PRKCA: variants seen among roughly 807,000 people sequenced by gnomAD.
The protein encoded by PRKCA is protein kinase C alpha type.
PRKCA carries 27 observed loss-of-function variants against 87.0 expected under a neutral mutation model. The observed-to-expected ratio is 0.31, with a 90% confidence interval of 0.23 to 0.43. PRKCA has a LOEUF of 0.43. PRKCA is among the 20% of genes least tolerant of loss of function. PRKCA has a pLI of 1.00. For synonymous variants in PRKCA, 329 were observed against 311.1 expected (o/e 1.06, Z -0.61); for missense variants, 518 against 852.3 (o/e 0.61, Z 4.88).
At chr17:66,603,548 G>A (rs1354578317) in intron 3 of PRKCA, among the ~76,000 whole-genome samples, 3 of 152,100 alleles carry the variant, frequency 2.0e-5, no homozygotes, top group Non-Finnish European at 4.4e-5. Context: ...CAGAGAGAGA[G>A]GTGAAGGTCC....
chr17:66,435,624 A>T (rs1379477194), intron 2 of PRKCA, among the ~76,000 whole-genome samples: 1 of 152,150 alleles, frequency 6.6e-6, no homozygotes, highest in Non-Finnish European at 1.5e-5. Context: ...GGGGAGAAAA[A>T]GTGTTATATA....
chr17:66,470,811 CAG>C (rs1271453021), intron 2 of PRKCA, among the ~76,000 whole-genome samples: 5 of 152,268 alleles, frequency 3.3e-5, no homozygotes, highest in African/African-American at 1.2e-4. Context: ...AAAGAGGAAA[CAG>C]AGTGAATTAA....
intron 8 of PRKCA, among the ~76,000 whole-genome samples, chr17:66,692,668 G>A (rs934427609): frequency 4.6e-5 from 7 of 152,172 alleles, no homozygotes; most frequent in Non-Finnish European, 7.3e-5. Context: ...TCTGTAGCAT[G>A]AGTGCTTCCC....
chr17:66,556,248 G>T (rs1450705184), intron 3 of PRKCA, among the ~76,000 whole-genome samples: 1 of 150,892 alleles, frequency 6.6e-6, no homozygotes, highest in Admixed American at 6.6e-5. Flanking sequence ...ACTAAAATAT[G>T]CATTTGTACC....
intron 16 of PRKCA, among the ~76,000 whole-genome samples, chr17:66,799,659 C>CGGTGGTGGTGGTGGTGGTGGTAATGGT (rs1489861018): frequency 1.4e-4 from 2 of 13,814 alleles, no homozygotes; most frequent in Non-Finnish European, 3.1e-4. Context: ...GTGGTAGTGA[C>CGGTGGTGGTGGTGGTGGTGGTAATGGT]GGTGGTGGTG....
chr17:66,615,255 G>A (rs925285202), intron 3 of PRKCA, among the ~76,000 whole-genome samples: 1 of 152,168 alleles, frequency 6.6e-6, no homozygotes, highest in Non-Finnish European at 1.5e-5. Flanking sequence ...CTGCAAAGAA[G>A]GGGAAAAATG....
At position 66,530,371 on chromosome 17, in the gene PRKCA, C is replaced by G. The variant is rs552946146; in HGVS notation, c.288+34088C>G. ...ACCTCACCTGACCTGTCAGTGTACT[C>G]TCAGTTTTTAAGGTTCTCCCAAAAC... On this transcript the variant is annotated intron_variant, in intron 3 of 16. Transcript: ENST00000413366. Among the ~76,000 whole-genome samples, 18 of 152,276 alleles carry G rather than the reference C, an allele frequency of 1.2e-4. 1 individual carries two copies. In the South Asian group the frequency reaches 3.5e-3, roughly 30 times the overall value.
intron 16 of PRKCA, among the ~76,000 whole-genome samples, chr17:66,793,086 C>T (rs1171786039): frequency 6.6e-6 from 1 of 152,210 alleles, no homozygotes; most frequent in Non-Finnish European, 1.5e-5. Flanking sequence ...ACACAGGCAG[C>T]CAACAACTAG....
intron 5 of PRKCA, among the ~76,000 whole-genome samples, chr17:66,673,774 A>G (rs144908855): frequency 5.9e-5 from 9 of 152,338 alleles, no homozygotes; most frequent in African/African-American, 2.2e-4. Context: ...ATTTCCTGAA[A>G]TCTAGAGAAG....
At chr17:66,519,542 G>A (rs751270138) in intron 3 of PRKCA, among the ~76,000 whole-genome samples, 4 of 152,036 alleles carry the variant, frequency 2.6e-5, no homozygotes, top group Non-Finnish European at 4.4e-5. Context: ...CCTGGCCCTC[G>A]GTTTCCTCAC....
At chr17:66,462,288 G>GA (rs1313754706) in intron 2 of PRKCA, among the ~76,000 whole-genome samples, 2 of 152,116 alleles carry the variant, frequency 1.3e-5, no homozygotes, top group African/African-American at 4.8e-5. Flanking sequence ...ACACAAAGGG[G>GA]AAATGTGAGG....
At chr17:66,475,384 C>A (rs1269277379) in intron 2 of PRKCA, among the ~76,000 whole-genome samples, 1 of 152,116 alleles carries the variant, frequency 6.6e-6, no homozygotes, top group Non-Finnish European at 1.5e-5. Context: ...GTCTTTTCAT[C>A]TGTGGTGCTG....
intron 2 of PRKCA, among the ~76,000 whole-genome samples, chr17:66,315,955 A>G (rs1250117202): frequency 2.0e-5 from 3 of 152,224 alleles, no homozygotes; most frequent in Non-Finnish European, 2.9e-5. Flanking sequence ...CGTACATTAT[A>G]TTACATCTTA....
chr17:66,685,844 T>C (rs946787375), intron 5 of PRKCA, among the ~76,000 whole-genome samples: 1 of 152,258 alleles, frequency 6.6e-6, no homozygotes, highest in African/African-American at 2.4e-5. Context: ...ACTATGCTAA[T>C]TGCCTAGATC....
chr17:66,613,554 T>C (rs1970429731), intron 3 of PRKCA, among the ~76,000 whole-genome samples: 2 of 152,150 alleles, frequency 1.3e-5, no homozygotes. Context: ...CAGGCCATGC[T>C]TTGTGCGAGG....
intron 2 of PRKCA, among the ~76,000 whole-genome samples, chr17:66,424,221 T>G (rs1169411299): frequency 1.3e-5 from 2 of 152,130 alleles, no homozygotes; most frequent in African/African-American, 4.8e-5. Context: ...GATGATGGTT[T>G]TCTTTGATGC....
intron 10 of PRKCA, among the ~76,000 whole-genome samples, chr17:66,737,909 C>T (rs2038067039): frequency 6.6e-6 from 1 of 152,220 alleles, no homozygotes; most frequent in Non-Finnish European, 1.5e-5. Flanking sequence ...GAGACTGGGG[C>T]TCCCAGGGTT....
At chr17:66,665,048 G>A (rs193100005) in intron 5 of PRKCA, among the ~76,000 whole-genome samples, 12 of 152,216 alleles carry the variant, frequency 7.9e-5, no homozygotes, top group South Asian at 2.1e-4. Context: ...CAGAATCCCC[G>A]AACTCATGGT....
chr17:66,763,973 G>A (rs1027273521), intron 13 of PRKCA, among the ~76,000 whole-genome samples: 1 of 152,146 alleles, frequency 6.6e-6, no homozygotes, highest in African/African-American at 2.4e-5. Context: ...TAAACTGGGC[G>A]AGTACCCACC....
Sources: allele counts gnomAD v4.1 joint callset (sites outside exome capture counted in the v4.1 genomes callset), GRCh38; gene constraint gnomAD v4.1.1; transcripts MANE v1.5; gene names NCBI Gene and HGNC (gene_info 2026-07-23, HGNC 2026-07-21).